The following PTPRN2 variants were observed in gnomAD, a reference collection of about 807,000 sequenced individuals.
PTPRN2 encodes receptor-type tyrosine-protein phosphatase N2.
Under a neutral mutation model 118.8 loss-of-function variants are expected in PTPRN2, and 74 were observed. That is an observed-to-expected ratio of 0.62 (90% CI 0.52 to 0.76). The LOEUF (loss-of-function observed/expected upper bound fraction) is 0.76. Ranked by LOEUF, PTPRN2 falls within the 30% of genes least tolerant of loss-of-function variation. The pLI is 0.00. For missense variants in PTPRN2, 1,481 were observed against 1,394.4 expected, an observed-to-expected ratio of 1.06 and a Z score of -0.99; for synonymous variants, 641 against 608.0, an observed-to-expected ratio of 1.05 and a Z score of -0.80.
At chr7:158,369,264 C>T (rs78151847) in intron 2 of PTPRN2, among the ~76,000 whole-genome samples, 683 of 22,134 alleles carry the variant, frequency 0.031, 9 homozygotes, top group Admixed American at 0.16. Context: ...TATATATACA[C>T]ACATACACAC....
intron 12 of PTPRN2, among the ~76,000 whole-genome samples, chr7:157,761,215 C>T (rs1439135911): frequency 6.6e-6 from 1 of 151,950 alleles, no homozygotes; most frequent in African/African-American, 2.4e-5. Context: ...ATCAAGCTAC[C>T]AATGACTTTC....
intron 22 of PTPRN2, among the ~76,000 whole-genome samples, chr7:157,542,945 G>A (rs1798083727): frequency 6.6e-6 from 1 of 152,160 alleles, no homozygotes; most frequent in South Asian, 2.1e-4. Context: ...TGAAGTGTCA[G>A]CTGCATGCGG....
intron 22 of PTPRN2, among the ~76,000 whole-genome samples, chr7:157,544,731 G>A (rs933847051): frequency 6.6e-6 from 1 of 152,238 alleles, no homozygotes; most frequent in African/African-American, 2.4e-5. Context: ...AGGAAGGGAA[G>A]AACCCATCAT....
chr7:157,874,746 T>C lies in PTPRN2; in HGVS notation c.1788+23927A>G, dbSNP rs12666958. Among the ~76,000 whole-genome samples, 4 of 147,242 alleles carry C rather than the reference T, an allele frequency of 2.7e-5. No homozygotes were observed. Among genetic ancestry groups the C allele is most frequent in the Admixed American group, 6.8e-5 (1 of 14,728 alleles). On this transcript the variant is annotated intron_variant, in intron 12 of 22. Transcript: ENST00000389418. The surrounding 1 kb of genome is among the most constrained non-coding windows in gnomAD (Gnocchi z 5.8). ...ACACACAGAGACACACTCATGCACA[T>C]ACACAGACACACACTCATGCACACA...
chr7:158,503,577 C>T (rs1362123743), intron 1 of PTPRN2, among the ~76,000 whole-genome samples: 1 of 152,234 alleles, frequency 6.6e-6, no homozygotes, highest in East Asian at 1.9e-4. Context: ...TTGGAAGTAA[C>T]AGTACCGAAC....
At chr7:158,322,964 G>A (rs1402611281) in intron 2 of PTPRN2, among the ~76,000 whole-genome samples, 2 of 152,234 alleles carry the variant, frequency 1.3e-5, no homozygotes, top group African/African-American at 4.8e-5. Flanking sequence ...ATAGACTGGA[G>A]CCATCTGCAA....
At chr7:158,554,712 G>A (rs923465794) in intron 1 of PTPRN2, among the ~76,000 whole-genome samples, 5 of 152,056 alleles carry the variant, frequency 3.3e-5, no homozygotes, top group African/African-American at 4.8e-5. Flanking sequence ...GGGGTTCTTC[G>A]GCCCATGCCT....
At chr7:157,949,860 T>C (rs1800700771) in intron 11 of PTPRN2, among the ~76,000 whole-genome samples, 2 of 152,214 alleles carry the variant, frequency 1.3e-5, no homozygotes, top group Non-Finnish European at 2.9e-5. Flanking sequence ...GATGATTCAC[T>C]TCCTGGGGCC....
At chr7:157,799,598 C>A (rs1187298015) in intron 12 of PTPRN2, among the ~76,000 whole-genome samples, 2 of 152,114 alleles carry the variant, frequency 1.3e-5, no homozygotes, top group Admixed American at 6.5e-5. Context: ...GGCCTCCACT[C>A]CAGCGTGTGC....
chr7:158,365,899 G>GCACACACACA (rs140043303), intron 2 of PTPRN2, among the ~76,000 whole-genome samples: 1 of 108,448 alleles, frequency 9.2e-6, no homozygotes, highest in Non-Finnish European at 1.8e-5. Flanking sequence ...ATGCACGCGT[G>GCACACACACA]CACACACACA....
chr7:157,853,338 G>A (rs967523879), intron 12 of PTPRN2, among the ~76,000 whole-genome samples: 3 of 152,084 alleles, frequency 2.0e-5, no homozygotes, highest in African/African-American at 4.8e-5. Flanking sequence ...CAACAGGCAC[G>A]GCCCGCAGAG....
intron 12 of PTPRN2, among the ~76,000 whole-genome samples, chr7:157,758,300 C>T (rs1332508174): frequency 6.6e-6 from 1 of 152,250 alleles, no homozygotes; most frequent in Non-Finnish European, 1.5e-5. Flanking sequence ...TTCCCCGTGG[C>T]CTGCACGCTC....
intron 3 of PTPRN2, among the ~76,000 whole-genome samples, chr7:158,210,917 A>C (rs141746298): frequency 7.9e-5 from 12 of 152,324 alleles, no homozygotes; most frequent in African/African-American, 2.4e-4. Flanking sequence ...ACTATTCCAA[A>C]AGATAGAGGA....
At chr7:158,005,884 C>G (rs1805601966) in intron 11 of PTPRN2, among the ~76,000 whole-genome samples, 1 of 152,236 alleles carries the variant, frequency 6.6e-6, no homozygotes, top group Non-Finnish European at 1.5e-5. Context: ...CTAGTGCACT[C>G]AGAGTGGGAA....
chr7:157,768,114 T>C (rs1295071919), intron 12 of PTPRN2, among the ~76,000 whole-genome samples: 8 of 152,222 alleles, frequency 5.3e-5, no homozygotes, highest in Non-Finnish European at 1.0e-4. Flanking sequence ...CTACTTCAGA[T>C]TGCAACTACT....
chr7:158,341,943 T>A (rs1371987192), intron 2 of PTPRN2, among the ~76,000 whole-genome samples: 664 of 124,488 alleles, frequency 5.3e-3, no homozygotes, highest in African/African-American at 0.02. Flanking sequence ...ATTCTCACCA[T>A]AAGAGCTGTC....
chr7:158,022,503 G>A lies in PTPRN2; in HGVS notation c.1723+58795C>T, dbSNP rs927817821. Among the ~76,000 whole-genome samples, 6 of 151,116 alleles carry A rather than the reference G, an allele frequency of 4.0e-5. No homozygotes were observed. The highest frequency in any genetic ancestry group is 5.9e-5 in the Non-Finnish European group (4 of 67,812). ...GTAATGTGTTCATAGCCAAGGCCCC[G>A]GCACCCGGGCACTCTGTCTGGGGCA... is the stretch of plus-strand genomic sequence containing the variant. On this transcript the variant is annotated intron_variant, in intron 11 of 22. Transcript: ENST00000389418. The surrounding 1 kb of genome is among the most constrained non-coding windows in gnomAD (Gnocchi z 4.6).
At chr7:158,094,957 C>G (rs1814511755) in intron 10 of PTPRN2, among the ~76,000 whole-genome samples, 1 of 152,186 alleles carries the variant, frequency 6.6e-6, no homozygotes, top group South Asian at 2.1e-4. Context: ...AAGGCAACTG[C>G]CAGCCTTCAA....
intron 12 of PTPRN2, among the ~76,000 whole-genome samples, chr7:157,798,458 C>T (rs929356327): frequency 1.3e-5 from 2 of 152,012 alleles, no homozygotes; most frequent in African/African-American, 4.8e-5. Context: ...CCATTTCTCC[C>T]ATTTGGCTGT....
Sources: allele counts gnomAD v4.1 joint callset (sites outside exome capture counted in the v4.1 genomes callset), GRCh38; gene constraint gnomAD v4.1.1; non-coding constraint Gnocchi (gnomAD v3.1); transcripts MANE v1.5; gene names NCBI Gene and HGNC (gene_info 2026-07-23, HGNC 2026-07-21).